EDEM2: variants seen among roughly 807,000 people sequenced by gnomAD.
The protein encoded by EDEM2 is ER degradation enhancing alpha-mannosidase like protein 2.
In EDEM2, 39 loss-of-function variants were observed where a neutral mutation model predicts 64.8. The ratio of observed to expected loss-of-function variants is 0.60; its 90% confidence interval spans 0.47 to 0.79. The LOEUF is 0.79. Ranked by LOEUF, EDEM2 falls within the 30% of genes least tolerant of loss-of-function variation. EDEM2 has a pLI of 0.00. For synonymous variants in EDEM2, 296 were observed against 291.5 expected, an observed-to-expected ratio of 1.02 and a Z score of -0.16; for missense variants, 609 against 731.3, an observed-to-expected ratio of 0.83 and a Z score of 1.93.
At chr20:35,117,145 C>G (rs2085318934) in intron 10 of EDEM2, 1 of 152,108 alleles carries the variant, frequency 6.6e-6, no homozygotes. Flanking sequence ...TCCACTCAGA[C>G]CCAAAGTATC....
chr20:35,120,843 C>T (rs1465461473), intron 9 of EDEM2, among the ~76,000 whole-genome samples: 6 of 152,096 alleles, frequency 3.9e-5, no homozygotes, highest in South Asian at 2.1e-4. Context: ...GTTGATCCAC[C>T]GCCTTGGCCT....
At chr20:35,125,711 G>A (rs1209477904) in intron 8 of EDEM2, among the ~76,000 whole-genome samples, 1 of 152,048 alleles carries the variant, frequency 6.6e-6, no homozygotes, top group Non-Finnish European at 1.5e-5. Flanking sequence ...TAGAGATGAG[G>A]TCTCACTATG....
chr20:35,127,883 G>A lies in EDEM2; in HGVS notation c.845-1508C>T, dbSNP rs114041371. The stretch of plus-strand genomic sequence containing the variant: ...ATAATAGAGGTGAAAAATCACCACA[G>A]CCTAAAGATATCACAGCTGTTGTAA... On this transcript the variant is annotated intron_variant, in intron 7 of 10. Coordinates refer to ENST00000374492, the MANE Select transcript of EDEM2 (RefSeq NM_018217.3). 7.5e-3 allele frequency among the ~76,000 whole-genome samples: 1,140 copies of A among 152,290 alleles called. 13 individuals are homozygous for A. The highest frequency in any genetic ancestry group is 0.027 in the African/African-American group (1,104 of 41,550).
At chr20:35,132,674 G>A (rs1295563036) in intron 6 of EDEM2, among the ~76,000 whole-genome samples, 1 of 151,876 alleles carries the variant, frequency 6.6e-6, no homozygotes, top group Non-Finnish European at 1.5e-5. Context: ...ACAAAGATAC[G>A]TATTTTTCTA....
chr20:35,124,150 G>T, intron 8 of EDEM2, 116 bp from the exon 9 acceptor site: 1 of 1,293,346 alleles, frequency 7.7e-7, no homozygotes, highest in East Asian at 2.4e-5. Context: ...ATCAATCCCT[G>T]AGTCTGCCAG....
Position 35,115,394 on chromosome 20 carries a change from T to C in EDEM2, c.*39A>G, listed in dbSNP as rs758138532. 8 of 1,580,492 alleles carry C rather than the reference T, an allele frequency of 5.1e-6. No individual in the cohort carries two copies. The African/African-American group carries it at 8.2e-5, about 16-fold the overall frequency. On this transcript the variant is annotated 3_prime_UTR_variant, in exon 11 of 11. Transcript: ENST00000374492. ...TAGCCAAAAGCAATTTATTATAGTT[T>C]AGCCTCAAAAAAATAAAAATAAAAA...
At chr20:35,122,788 C>T (rs923185852) in intron 9 of EDEM2, among the ~76,000 whole-genome samples, 3 of 152,140 alleles carry the variant, frequency 2.0e-5, no homozygotes, top group Non-Finnish European at 4.4e-5. Flanking sequence ...TCTCCTGGTC[C>T]CCTCTACACC....
At chr20:35,126,586 GT>G (rs2085436381) in intron 7 of EDEM2, among the ~76,000 whole-genome samples, 1 of 152,142 alleles carries the variant, frequency 6.6e-6, no homozygotes, top group South Asian at 2.1e-4. Flanking sequence ...CCTGGGGTGG[GT>G]TTTTCCCTTT....
rs761443449 is a variant in EDEM2 at position 35,147,302 on chromosome 20, T to C, written c.-44A>G. 1.4e-6 allele frequency: 2 copies of C among 1,454,154 alleles called. No homozygotes were observed. The highest frequency in any genetic ancestry group is 9.1e-7 in the Non-Finnish European group (1 of 1,098,986). The allele number at this position is 1,454,154 out of a possible 1,614,324, so 90.1% of individuals were successfully genotyped here. A position where few individuals can be genotyped will look rare whatever the true frequency, so the allele number is the denominator to read the frequency against. ...GCGCCCCCGCAGCAGCAGCAGCCAC[T>C]GCAACCAGTTCATCCTGGGAGCTGC... On this transcript the variant is annotated 5_prime_UTR_variant, in exon 1 of 11. Coordinates refer to ENST00000374492, the MANE Select transcript of EDEM2 (RefSeq NM_018217.3).
Position 35,119,006 on chromosome 20 carries a change from A to C in EDEM2, c.1115-287T>G, listed in dbSNP as rs1007099570. 9.2e-5 allele frequency among the ~76,000 whole-genome samples: 14 copies of C among 152,274 alleles called. 1 individual carries two copies. Among genetic ancestry groups the C allele is most frequent in the Admixed American group, 9.2e-4 (14 of 15,294 alleles). ...TGGCGGAGGTTGTTGCCTAATTCCC[A>C]ATATCTGTTCCCCGCTTCCTCCTTA... On this transcript the variant is annotated intron_variant, in intron 9 of 10. Coordinates refer to ENST00000374492, the MANE Select transcript of EDEM2 (RefSeq NM_018217.3).
At chr20:35,130,539 GT>G (rs1273210806) in intron 7 of EDEM2, among the ~76,000 whole-genome samples, 1 of 151,988 alleles carries the variant, frequency 6.6e-6, no homozygotes, top group Non-Finnish European at 1.5e-5. Context: ...AAATATCTTT[GT>G]TTTTTTAGAG....
At chr20:35,121,622 A>C (rs2085370107) in intron 9 of EDEM2, among the ~76,000 whole-genome samples, 1 of 152,218 alleles carries the variant, frequency 6.6e-6, no homozygotes, top group East Asian at 1.9e-4. Context: ...AAGCCTGCAG[A>C]GGCCTTTAGG....
At chr20:35,130,393 G>A (rs1405650232) in intron 7 of EDEM2, among the ~76,000 whole-genome samples, 1 of 152,052 alleles carries the variant, frequency 6.6e-6, no homozygotes, top group African/African-American at 2.4e-5. Context: ...TTATAAATTA[G>A]GCATGGGAAG....
intron 4 of EDEM2, among the ~76,000 whole-genome samples, chr20:35,138,503 G>A (rs546395248): frequency 1.3e-4 from 20 of 152,088 alleles, no homozygotes; most frequent in Admixed American, 1.0e-3. Flanking sequence ...TGTCATACCT[G>A]GGGGGAAGGG....
intron 10 of EDEM2, among the ~76,000 whole-genome samples, chr20:35,116,541 C>T (rs753844922): frequency 2.0e-5 from 3 of 152,166 alleles, no homozygotes; most frequent in African/African-American, 4.8e-5. Context: ...TGGAGCACTC[C>T]GCCTCCAGTT....
chr20:35,144,232 TAAG>T (rs2085698246), intron 3 of EDEM2, among the ~76,000 whole-genome samples: 1 of 151,648 alleles, frequency 6.6e-6, no homozygotes, highest in Non-Finnish European at 1.5e-5. Context: ...TTCTTAACGA[TAAG>T]AAGGAGTAAA....
intron 4 of EDEM2, among the ~76,000 whole-genome samples, chr20:35,139,344 C>T (rs1474077384): frequency 2.3e-5 from 3 of 129,038 alleles, no homozygotes; most frequent in East Asian, 2.2e-4. Flanking sequence ...AGTGAGACTC[C>T]GTCTCAAAAA....
At chr20:35,141,122 A>G (rs1485402571) in intron 4 of EDEM2, among the ~76,000 whole-genome samples, 3 of 144,692 alleles carry the variant, frequency 2.1e-5, no homozygotes, top group Admixed American at 6.7e-5. Context: ...TCCGCCTCAA[A>G]AAAAAAAAAA....
intron 10 of EDEM2, among the ~76,000 whole-genome samples, chr20:35,116,452 T>TC (rs2085310584): frequency 6.6e-6 from 1 of 152,154 alleles, no homozygotes; most frequent in Admixed American, 6.5e-5. Context: ...CTCTAAGAGC[T>TC]CCAGCTGCTG....
Sources: gnomAD v4.1 joint callset for allele counts (sites outside exome capture counted in the v4.1 genomes callset) on GRCh38, gnomAD v4.1.1 for gene constraint, MANE v1.5 for transcripts, NCBI Gene and HGNC (gene_info 2026-07-23, HGNC 2026-07-21) for gene names.